ZNF841: variants seen among roughly 807,000 people sequenced by gnomAD.
The protein encoded by ZNF841 is zinc finger protein 841.
Under a neutral mutation model 13.0 loss-of-function variants are expected in ZNF841, and 11 were observed. The ratio of observed to expected loss-of-function variants is 0.85; its 90% CI spans 0.53 to 1.40. ZNF841 has a LOEUF of 1.40. ZNF841 is among the 40% of genes most tolerant of loss of function. The probability of loss-of-function intolerance (pLI) is 0.00; values close to 1 mark genes in which losing one functional copy is unlikely to be tolerated. For missense variants in ZNF841, 1,068 were observed against 1,139.5 expected (o/e 0.94, Z 0.90); for synonymous variants, 369 against 381.6 (o/e 0.97, Z 0.38).
chr19:52,080,172 G>A (rs1197181557), intron 4 of ZNF841, among the ~76,000 whole-genome samples: 2 of 152,104 alleles, frequency 1.3e-5, no homozygotes, highest in African/African-American at 4.8e-5. Flanking sequence ...TGGCACTTAA[G>A]TACAATACAT....
At chr19:52,070,168 T>A (rs998596380) in intron 6 of ZNF841, among the ~76,000 whole-genome samples, 2 of 152,190 alleles carry the variant, frequency 1.3e-5, no homozygotes, top group African/African-American at 4.8e-5. Context: ...GCAGTGCAGA[T>A]AACAGGTCAA....
intron 6 of ZNF841, among the ~76,000 whole-genome samples, chr19:52,068,015 T>G (rs1373768030): frequency 1.3e-5 from 2 of 152,074 alleles, no homozygotes; most frequent in African/African-American, 4.8e-5. Flanking sequence ...AACAGCAAGA[T>G]ATACTGTAAT....
At chr19:52,084,631 T>A (rs2088209714) in intron 4 of ZNF841, among the ~76,000 whole-genome samples, 156 bp downstream of exon 4, 1 of 152,098 alleles carries the variant, frequency 6.6e-6, no homozygotes, top group African/African-American at 2.4e-5. Flanking sequence ...AGATCTGGAA[T>A]CTAAGTGCAG....
chr19:52,092,741 G>T (rs2088540569), intron 2 of ZNF841, among the ~76,000 whole-genome samples: 2 of 152,184 alleles, frequency 1.3e-5, no homozygotes, highest in Non-Finnish European at 2.9e-5. Flanking sequence ...AGAAGCTGAG[G>T]CGACAAGATC....
Position 52,067,307 on chromosome 19 carries a change from A to G in ZNF841, c.575T>C (p.Leu192Pro). Residue 192 changes from leucine (L) to proline (P), a missense_variant, in exon 7 of 7, where the codon CTG becomes CCG. Leu to Pro is a moderately conservative substitution (Grantham distance 98, BLOSUM62 -3). Transcript: ENST00000594440. ...NQLILRFQSGLGELQKFQTAE... is the reference protein window; with the variant it reads ...NQLILRFQSGPGELQKFQTAE... ...AGTTTGAAATTTCTGCAATTCACCC[A>G]GACCGGACTGAAACCTTAATATAAG... 1 of 1,551,870 alleles carries G rather than the reference A, an allele frequency of 6.4e-7. No homozygotes were observed. The highest frequency in any genetic ancestry group is 8.7e-7 in the Non-Finnish European group (1 of 1,147,014).
At chr19:52,058,954 T>G in the ZNF841 span, 1 of 153,218 alleles carries the variant, frequency 6.5e-6, no homozygotes, top group Admixed American at 6.6e-5. Context: ...TTCCTAGAAA[T>G]CATTTAACCC....
intron 6 of ZNF841, among the ~76,000 whole-genome samples, chr19:52,070,725 C>T (rs991681120): frequency 3.3e-5 from 5 of 152,194 alleles, no homozygotes; most frequent in South Asian, 2.1e-4. Context: ...TTCAGCCATC[C>T]GTCATGAATA....
At chr19:52,064,118 G>A (rs2087452819), downstream of ZNF841, among the ~76,000 whole-genome samples, 1 of 151,896 alleles carries the variant, frequency 6.6e-6, no homozygotes, top group Non-Finnish European at 1.5e-5. Context: ...GCCGAGGCGG[G>A]TGGATCATGA....
rs553475191 is a variant in ZNF841, at chr19:52,088,804, T to C, written c.-78+133A>G. On this transcript the variant is annotated intron_variant, in intron 3 of 6. Coordinates refer to ENST00000594440, the MANE Select transcript of ZNF841 (RefSeq NM_001136499.2). Reference sequence around the variant, plus strand: ...TGGTTCTGGCACATTTTTCATTGTTTGGTGCAATACGATAAACTCTGAATA... The same window carrying C: ...TGGTTCTGGCACATTTTTCATTGTTCGGTGCAATACGATAAACTCTGAATA... The C allele has an allele frequency of 1.4e-4, 21 of 152,338 alleles. 1 individual carries two copies. The highest frequency in any genetic ancestry group is 1.2e-3 in the Admixed American group (19 of 15,294). 9.4% of individuals were successfully genotyped at this position (152,338 alleles called of 1,614,324 possible).
At chr19:52,062,334 A>G (rs148230624), downstream of ZNF841, among the ~76,000 whole-genome samples, 503 of 152,342 alleles carry the variant, frequency 3.3e-3, 2 homozygotes, top group African/African-American at 0.012. Flanking sequence ...GGTGGAGCAC[A>G]GATTTTTAGG....
At chr19:52,073,303 CT>C (rs749802619) in intron 6 of ZNF841, among the ~76,000 whole-genome samples, 305 of 140,926 alleles carry the variant, frequency 2.2e-3, no homozygotes, top group Admixed American at 2.3e-3. Context: ...GTTTTTTTTT[CT>C]TTTTTTTTTT....
In ZNF841 at chr19:52,067,393, A is replaced by G; in HGVS notation, c.489T>C (p.Leu163=). ...GACTATGTCGAACTCTTTGACCAGTAAGATTGTTTTTATGGGTCATCGGCC... is the reference window on the plus strand; with the variant it reads ...GACTATGTCGAACTCTTTGACCAGTGAGATTGTTTTTATGGGTCATCGGCC... ...KEGPMTHKNN[L]TGQRVRHSQG... The change falls in exon 7 of 7, where the codon CTT becomes CTC. Residue 163 remains leucine, a synonymous_variant. Transcript: ENST00000594440. 2 of 1,546,542 alleles carry G rather than the reference A, an allele frequency of 1.3e-6. No individual in the cohort carries two copies. The highest frequency in any genetic ancestry group is 1.7e-6 in the Non-Finnish European group (2 of 1,145,124).
intron 4 of ZNF841, among the ~76,000 whole-genome samples, chr19:52,079,728 A>C (rs1347337882): frequency 2.0e-5 from 3 of 152,118 alleles, no homozygotes; most frequent in Non-Finnish European, 4.4e-5. Context: ...ACGGTGGCTC[A>C]TACCTGTAAT....
downstream of ZNF841, among the ~76,000 whole-genome samples, chr19:52,062,806 C>T (rs932461919): frequency 2.0e-5 from 3 of 151,904 alleles, no homozygotes; most frequent in Non-Finnish European, 2.9e-5. Context: ...CCAGGTCAAT[C>T]CTGGATGGAG....
chr19:52,093,966 T>G lies in ZNF841; in HGVS notation c.-264A>C, dbSNP rs1216186390. Reference sequence around the variant, plus strand: ...GTGAGCCGAGATCATGCCACTGCTCTCCAGCCTAGGCGGCAGAGAGAGACC... The same window carrying G: ...GTGAGCCGAGATCATGCCACTGCTCGCCAGCCTAGGCGGCAGAGAGAGACC... On this transcript the variant is annotated 5_prime_UTR_variant, in exon 2 of 7. Transcript: ENST00000594440. 1.3e-5 allele frequency: 2 copies of G among 152,014 alleles called. No homozygotes were observed. Among genetic ancestry groups the G allele is most frequent in the South Asian group, 4.1e-4 (2 of 4,830 alleles). 9.4% of individuals were successfully genotyped at this position (152,014 alleles called of 1,614,324 possible). A position where few individuals can be genotyped will look rare whatever the true frequency, so the allele number is the denominator to read the frequency against.
chr19:52,094,670 G>GT (rs2088612849), intron 1 of ZNF841, among the ~76,000 whole-genome samples: 1 of 151,586 alleles, frequency 6.6e-6, no homozygotes, highest in Non-Finnish European at 1.5e-5. Flanking sequence ...CCCTGCTGTG[G>GT]TTCTCCCTCT....
rs182995714 is a variant in ZNF841, at chr19:52,086,236, T to C, written c.-77-1358A>G. Among the ~76,000 whole-genome samples, 624 of 152,252 alleles carry C rather than the reference T, an allele frequency of 4.1e-3. 3 individuals carry two copies. Among genetic ancestry groups the C allele is most frequent in the Middle Eastern group, 0.01 (3 of 294 alleles). ...TCTCACACTGAATTGTAATCCCCAC[T>C]GTTACTGGTGGGGCCTGGTGGGAGG... On this transcript the variant is annotated intron_variant, in intron 3 of 6. Coordinates refer to ENST00000594440, the MANE Select transcript of ZNF841 (RefSeq NM_001136499.2).
rs2088585652 is a variant in ZNF841, at chr19:52,093,881, T to A, written c.-179A>T. 6.6e-6 allele frequency: 1 copy of A among 152,158 alleles called. No individual in the cohort carries two copies. Among genetic ancestry groups the A allele is most frequent in the South Asian group, 2.1e-4 (1 of 4,834 alleles). 9.4% of individuals were successfully genotyped at this position (152,158 alleles called of 1,614,324 possible). A position where few individuals can be genotyped will look rare whatever the true frequency, so the allele number is the denominator to read the frequency against. On this transcript the variant is annotated 5_prime_UTR_variant, in exon 2 of 7. Transcript: ENST00000594440. ...TAGTGTGGTGGCTCACATCTGTAAT[T>A]CCAGTGCGTTGAGAGGCTGAGGTGG...
At position 52,076,169 on chromosome 19, in the gene ZNF841, A is replaced by G. The variant is rs2087895013; in HGVS notation, c.146T>C (p.Leu49Pro). Residue 49 changes from leucine (L) to proline (P), a missense_variant, in exon 6 of 7, where the codon CTC becomes CCC. Transcript: ENST00000594440. Reference protein sequence around the residue: ...ENYRNLGFLGLCLPDLNIISM... With the variant: ...ENYRNLGFLGPCLPDLNIISM... Reference sequence around the variant, plus strand: ...GATAATATTCAGGTCAGGAAGACAGAGTCCTGCTTATAAAAAAAGAAAGAA... The same window carrying G: ...GATAATATTCAGGTCAGGAAGACAGGGTCCTGCTTATAAAAAAAGAAAGAA... 4 of 1,552,024 alleles carry G rather than the reference A, an allele frequency of 2.6e-6. No individual in the cohort carries two copies. Among genetic ancestry groups the G allele is most frequent in the Non-Finnish European group, 3.5e-6 (4 of 1,147,332 alleles).
Sources: gnomAD v4.1 joint callset for allele counts (sites outside exome capture counted in the v4.1 genomes callset) on GRCh38, gnomAD v4.1.1 for gene constraint, MANE v1.5 for transcripts, NCBI Gene and HGNC (gene_info 2026-07-23, HGNC 2026-07-21) for gene names.